Variants in INO80 observed in about 807,000 individuals in gnomAD.
The protein encoded by INO80 is chromatin-remodeling ATPase INO80.
INO80 carries 20 observed loss-of-function variants against 203.4 expected under a neutral mutation model. That is an observed-to-expected ratio of 0.10 (90% CI 0.07 to 0.14). The LOEUF (loss-of-function observed/expected upper bound fraction) is 0.14, where lower values mean the gene tolerates loss of function less well. Ranked by LOEUF, INO80 falls within the 10% of genes least tolerant of loss-of-function variation. The pLI is 1.00. For synonymous variants in INO80, 726 were observed against 685.2 expected, an observed-to-expected ratio of 1.06 and a Z score of -0.93; for missense variants, 1,419 against 1,914.4, an observed-to-expected ratio of 0.74 and a Z score of 4.83.
At chr15:41,091,601 C>A (rs904434025) in intron 5 of INO80, among the ~76,000 whole-genome samples, 4 of 151,168 alleles carry the variant, frequency 2.6e-5, no homozygotes, top group Non-Finnish European at 4.4e-5. Flanking sequence ...CTCCCACTTA[C>A]ACTCACTACT....
chr15:40,980,398 G>A lies in INO80; in HGVS notation c.4496C>T (p.Pro1499Leu), dbSNP rs775247069. The change falls in exon 36 of 36, where the codon CCT (proline) becomes CTT (leucine). Residue 1499 changes from proline to leucine, a missense_variant. Coordinates refer to ENST00000648947, the MANE Select transcript of INO80 (RefSeq NM_017553.3). Reference protein sequence around the residue: ...SSPLQTSLVRPAGLADFGPSS... With the variant: ...SSPLQTSLVRLAGLADFGPSS... ...AGGTCCAAAGTCAGCAAGGCCAGCA[G>A]GCCGAACAAGGGATGTCTGCAGAGG... 6.2e-7 allele frequency: 1 copy of A among 1,613,864 alleles called. No homozygotes were observed. Among genetic ancestry groups the A allele is most frequent in the Non-Finnish European group, 8.5e-7 (1 of 1,180,034 alleles).
intron 30 of INO80, 140 bp downstream of exon 30, chr15:40,987,676 T>G (rs1390003072): frequency 9.5e-6 from 8 of 843,538 alleles, no homozygotes; most frequent in Non-Finnish European, 1.5e-5. Flanking sequence ...GACCTGATTT[T>G]ATTTTCTATT....
chr15:41,094,507 C>T (rs2045691568), intron 4 of INO80, among the ~76,000 whole-genome samples: 1 of 152,170 alleles, frequency 6.6e-6, no homozygotes, highest in Admixed American at 6.6e-5. Flanking sequence ...CTGCCTGCCT[C>T]CTTTAGAATG....
At chr15:41,007,856 C>T (rs141444538) in intron 27 of INO80, among the ~76,000 whole-genome samples, 21 of 151,638 alleles carry the variant, frequency 1.4e-4, no homozygotes, top group African/African-American at 4.8e-4. Context: ...TAGGAAAACA[C>T]CTAAAAGACA....
chr15:41,040,797 G>A (rs2044654323), intron 24 of INO80, among the ~76,000 whole-genome samples: 1 of 152,036 alleles, frequency 6.6e-6, no homozygotes, highest in Non-Finnish European at 1.5e-5. Flanking sequence ...AAAAGGGTGG[G>A]CAGGGGAAGG....
intron 14 of INO80, among the ~76,000 whole-genome samples, chr15:41,060,883 T>C (rs1001271357): frequency 1.1e-4 from 16 of 152,198 alleles, no homozygotes; most frequent in Non-Finnish European, 2.1e-4. Context: ...CTCTATAGCT[T>C]TTCCTATACA....
intron 7 of INO80, 128 bp downstream of exon 7, chr15:41,085,241 G>T: frequency 1.2e-6 from 1 of 801,542 alleles, no homozygotes; most frequent in East Asian, 2.4e-5. Context: ...GCATTTTCTT[G>T]ATTCCAACAG....
At position 41,085,646 on chromosome 15, in the gene INO80, T is replaced by C. The variant is rs1012322835; in HGVS notation, c.659-63A>G. 7 of 1,319,172 alleles carry C rather than the reference T, an allele frequency of 5.3e-6. No individual in the cohort carries two copies. In the African/African-American group the frequency reaches 7.3e-5, roughly 14 times the overall value. The allele number at this position is 1,319,172 out of a possible 1,614,324, so 81.7% of individuals were successfully genotyped here. ...AGGAGATAGTCACAAAGCAACCTCATGACTTAAAACATGCAAGGTTCTTTC... is the reference window on the plus strand; with the variant it reads ...AGGAGATAGTCACAAAGCAACCTCACGACTTAAAACATGCAAGGTTCTTTC... On this transcript the variant is annotated intron_variant, in intron 6 of 35. Coordinates refer to ENST00000648947, the MANE Select transcript of INO80 (RefSeq NM_017553.3).
chr15:41,058,804 G>A (rs2045048364), intron 15 of INO80, 23 bp from the exon 16 acceptor site: 1 of 1,599,392 alleles, frequency 6.3e-7, no homozygotes, highest in Non-Finnish European at 8.5e-7. Flanking sequence ...AAGGGGAAGG[G>A]TGAAAAGAGA....
chr15:41,091,203 C>T (rs774583965), intron 5 of INO80, among the ~76,000 whole-genome samples: 9 of 152,032 alleles, frequency 5.9e-5, no homozygotes, highest in Non-Finnish European at 1.0e-4. Flanking sequence ...GGATTACAGG[C>T]GTGAGTCACT....
chr15:41,106,873 G>A (rs551935069), intron 1 of INO80, among the ~76,000 whole-genome samples: 102 of 152,270 alleles, frequency 6.7e-4, no homozygotes, highest in Admixed American at 1.5e-3. Flanking sequence ...CACTCCAACA[G>A]TGAAAAGCCT....
At chr15:41,048,326 A>T in intron 21 of INO80, 50 bp from the exon 22 acceptor site, 1 of 1,365,364 alleles carries the variant, frequency 7.3e-7, no homozygotes, top group South Asian at 1.2e-5. Flanking sequence ...TAAATAATGG[A>T]AAGTTAACTA....
At chr15:41,061,201 C>T (rs953205379) in intron 14 of INO80, among the ~76,000 whole-genome samples, 26 of 151,944 alleles carry the variant, frequency 1.7e-4, no homozygotes, top group Non-Finnish European at 3.2e-4. Context: ...CAGGAACTCA[C>T]GAGTCTAAGG....
chr15:41,083,800 A>C (rs2045520685), intron 7 of INO80, among the ~76,000 whole-genome samples: 2 of 152,194 alleles, frequency 1.3e-5, no homozygotes, highest in Non-Finnish European at 2.9e-5. Flanking sequence ...TATATGTGTA[A>C]GATGCAGATC....
chr15:41,071,774 A>T, intron 12 of INO80, 75 bp downstream of exon 12: 1 of 1,361,898 alleles, frequency 7.3e-7, no homozygotes. Flanking sequence ...TCTTGTACTC[A>T]TTTCACAATC....
chr15:41,059,852 T>TC lies in INO80; in HGVS notation c.1842+14_1842+15insG. The TC allele has an allele frequency of 3.8e-6, 6 of 1,577,132 alleles. No individual in the cohort carries two copies. The highest frequency in any genetic ancestry group is 5.2e-6 in the Non-Finnish European group (6 of 1,148,188). ...ATGTACGGTACGTATGTATGCAGTTTAAGTAGAATGTTACCTGACTCCAGA... is the reference window on the plus strand; with the variant it reads ...ATGTACGGTACGTATGTATGCAGTTTCAAGTAGAATGTTACCTGACTCCAGA... On this transcript the variant is annotated intron_variant, in intron 15 of 35. Transcript: ENST00000648947.
At chr15:41,072,439 G>A (rs2140598003) in intron 11 of INO80, among the ~76,000 whole-genome samples, 1 of 151,638 alleles carries the variant, frequency 6.6e-6, no homozygotes, top group African/African-American at 2.4e-5. Flanking sequence ...AAAGAGCTTG[G>A]GCCAGGCGCA....
At chr15:41,104,701 C>T (rs765739789) in intron 1 of INO80, among the ~76,000 whole-genome samples, 2 of 152,012 alleles carry the variant, frequency 1.3e-5, no homozygotes, top group Non-Finnish European at 2.9e-5. Context: ...CCACACCTGG[C>T]TAATTTTTTT....
At chr15:40,981,791 C>A (rs114797965) in intron 35 of INO80, among the ~76,000 whole-genome samples, 205 of 152,336 alleles carry the variant, frequency 1.3e-3, no homozygotes, top group African/African-American at 4.6e-3. Context: ...CCCCTTGTCA[C>A]ACATCTGCTA....
Sources: allele counts gnomAD v4.1 joint callset (sites outside exome capture counted in the v4.1 genomes callset), GRCh38; gene constraint gnomAD v4.1.1; transcripts MANE v1.5; gene names NCBI Gene and HGNC (gene_info 2026-07-23, HGNC 2026-07-21).